The following ZNF423 variants were observed in gnomAD, a reference collection of about 807,000 sequenced individuals.
The protein encoded by ZNF423 is zinc finger protein 423, also known as Ebf-associated zinc finger protein.
ZNF423 carries 12 observed loss-of-function variants against 95.8 expected under a neutral mutation model. The observed-to-expected ratio is 0.13, with a 90% CI of 0.08 to 0.20. ZNF423 has a LOEUF of 0.20. Among genes scored for constraint, ZNF423 ranks in the 10% least tolerant of loss-of-function variants. The pLI is 1.00. For missense variants in ZNF423, 1,316 were observed against 1,737.1 expected (o/e 0.76, Z 4.31); for synonymous variants, 749 against 711.9 (o/e 1.05, Z -0.83).
intron 3 of ZNF423, among the ~76,000 whole-genome samples, chr16:49,653,965 A>G (rs893360461): frequency 1.3e-5 from 2 of 152,212 alleles, no homozygotes; most frequent in African/African-American, 4.8e-5. Flanking sequence ...TTCTGTGGCC[A>G]GACACAGTGC....
chr16:49,663,900 T>C lies in ZNF423; in HGVS notation c.302-25026A>G, dbSNP rs369214462. Among the ~76,000 whole-genome samples the C allele has an allele frequency of 3.3e-5, 5 of 152,260 alleles. No homozygotes were observed. In the East Asian group the frequency reaches 7.7e-4, roughly 24 times the overall value. ...TTGGCAGCTGGCCGCCCACTTTTCC[T>C]CTCTCATTCCAGAAAAAAACGTTTC... On this transcript the variant is annotated intron_variant, in intron 3 of 7. Coordinates refer to ENST00000563137, the MANE Select transcript of ZNF423 (RefSeq NM_001379286.1).
At chr16:49,776,678 C>G (rs1401543679) in intron 2 of ZNF423, among the ~76,000 whole-genome samples, 2 of 152,196 alleles carry the variant, frequency 1.3e-5, no homozygotes, top group East Asian at 3.9e-4. Context: ...ATGCAGGCCA[C>G]AGCAGGCCAG....
intron 5 of ZNF423, among the ~76,000 whole-genome samples, chr16:49,558,871 G>A (rs993042122): frequency 1.8e-4 from 28 of 152,252 alleles, no homozygotes; most frequent in African/African-American, 6.5e-4. Flanking sequence ...GCACCAAGGT[G>A]TACCTGGAAG....
intron 1 of ZNF423, among the ~76,000 whole-genome samples, chr16:49,793,672 C>G (rs1000442963): frequency 6.6e-6 from 1 of 152,104 alleles, no homozygotes; most frequent in East Asian, 1.9e-4. Context: ...AGGGACAGCA[C>G]GTGAAGCAAG....
intron 5 of ZNF423, among the ~76,000 whole-genome samples, chr16:49,601,727 A>G (rs1971379766): frequency 6.6e-6 from 1 of 152,224 alleles, no homozygotes; most frequent in Non-Finnish European, 1.5e-5. Context: ...CTCTGGGCTC[A>G]GTCAGCCTGT....
chr16:49,769,800 C>T (rs1166515956), intron 2 of ZNF423, among the ~76,000 whole-genome samples: 2 of 151,298 alleles, frequency 1.3e-5, no homozygotes, highest in African/African-American at 4.9e-5. Flanking sequence ...TCTCCAAGCC[C>T]ACCTCTCCCT....
intron 1 of ZNF423, chr16:49,822,814 T>C: frequency 8.5e-7 from 1 of 1,172,390 alleles, no homozygotes; most frequent in Non-Finnish European, 1.2e-6. Flanking sequence ...AACACTTGTA[T>C]ACCCATTTGA....
chr16:49,724,236 T>A (rs1263363834), intron 3 of ZNF423, among the ~76,000 whole-genome samples: 1 of 152,238 alleles, frequency 6.6e-6, no homozygotes, highest in Non-Finnish European at 1.5e-5. Context: ...TTACTGGGTT[T>A]GCTCCCTGGT....
intron 7 of ZNF423, among the ~76,000 whole-genome samples, chr16:49,508,644 G>A (rs1484327501): frequency 6.6e-6 from 1 of 151,704 alleles, no homozygotes; most frequent in Non-Finnish European, 1.5e-5. Context: ...TATAAAAACA[G>A]TGACTTCTCC....
At chr16:49,808,523 C>G (rs1291401939) in intron 1 of ZNF423, among the ~76,000 whole-genome samples, 1 of 152,168 alleles carries the variant, frequency 6.6e-6, no homozygotes, top group Non-Finnish European at 1.5e-5. Flanking sequence ...GGACAGTGGG[C>G]ATGAGAAGTG....
chr16:49,618,764 G>A (rs1187869761), intron 5 of ZNF423, among the ~76,000 whole-genome samples: 1 of 152,118 alleles, frequency 6.6e-6, no homozygotes, highest in African/African-American at 2.4e-5. Context: ...TCTTCCTCTG[G>A]CATGGTATCA....
intron 3 of ZNF423, among the ~76,000 whole-genome samples, chr16:49,699,202 G>T (rs531292608): frequency 2.7e-4 from 41 of 152,342 alleles, no homozygotes; most frequent in Non-Finnish European, 1.2e-4. Flanking sequence ...ACTGACGTCA[G>T]GGGGTAATTG....
intron 3 of ZNF423, among the ~76,000 whole-genome samples, chr16:49,725,526 G>A (rs939051559): frequency 2.0e-5 from 3 of 152,290 alleles, no homozygotes; most frequent in African/African-American, 7.2e-5. Context: ...ACATAACGGG[G>A]AACAAAACAG....
At position 49,628,534 on chromosome 16, in the gene ZNF423, T is replaced by TATCCATCC. The variant is rs60254976; in HGVS notation, c.3517-2288_3517-2281dup. Among the ~76,000 whole-genome samples, 795 of 150,982 alleles carry TATCCATCC rather than the reference T, an allele frequency of 5.3e-3. 4 individuals carry two copies. The highest frequency in any genetic ancestry group is 0.016 in the African/African-American group (655 of 41,000). ...CTACACACATATCCATCCATCCATC[T>TATCCATCC]ATCCATCCATCCATCCATCCATCCA... On this transcript the variant is annotated intron_variant, in intron 4 of 7. Coordinates refer to ENST00000563137, the MANE Select transcript of ZNF423 (RefSeq NM_001379286.1).
At chr16:49,716,633 G>A (rs2032715404) in intron 3 of ZNF423, among the ~76,000 whole-genome samples, 3 of 152,132 alleles carry the variant, frequency 2.0e-5, no homozygotes, top group South Asian at 2.1e-4. Flanking sequence ...CAATAGTAGC[G>A]CTTTATTTTA....
intron 2 of ZNF423, among the ~76,000 whole-genome samples, chr16:49,737,246 C>T (rs1438189874): frequency 6.6e-6 from 1 of 150,556 alleles, no homozygotes; most frequent in Non-Finnish European, 1.5e-5. Context: ...AATTTGTATC[C>T]AGGTCTTCTG....
chr16:49,840,150 AAG>A (rs1483149768), intron 1 of ZNF423, among the ~76,000 whole-genome samples: 10 of 152,216 alleles, frequency 6.6e-5, no homozygotes, highest in Admixed American at 5.9e-4. Flanking sequence ...TGCCCCAGAT[AAG>A]AGGATTCCAT....
At chr16:49,792,618 C>T (rs116171023) in intron 1 of ZNF423, among the ~76,000 whole-genome samples, 93 of 152,304 alleles carry the variant, frequency 6.1e-4, no homozygotes, top group African/African-American at 2.1e-3. Flanking sequence ...GGTGTTAATG[C>T]GTTTTCCTAC....
chr16:49,590,421 C>T (rs954346523), intron 5 of ZNF423, among the ~76,000 whole-genome samples: 1 of 152,084 alleles, frequency 6.6e-6, no homozygotes, highest in Non-Finnish European at 1.5e-5. Context: ...ACGGCTGCTT[C>T]GGGGGGCAAG....
Sources: allele counts gnomAD v4.1 joint callset (sites outside exome capture counted in the v4.1 genomes callset), GRCh38; gene constraint gnomAD v4.1.1; transcripts MANE v1.5; gene names NCBI Gene and HGNC (gene_info 2026-07-23, HGNC 2026-07-21).